The following NRXN1 variants were observed in gnomAD, a reference collection of about 807,000 sequenced individuals.
The protein encoded by NRXN1 is neurexin-1.
NRXN1 carries 39 observed loss-of-function variants against 150.9 expected under a neutral mutation model. That is an observed-to-expected ratio of 0.26 (90% confidence interval 0.20 to 0.34). The LOEUF is 0.34. Among genes scored for constraint, NRXN1 ranks in the 10% least tolerant of loss-of-function variants. The pLI is 1.00. For synonymous variants in NRXN1, 924 were observed against 757.0 expected (o/e 1.22, Z -3.62); for missense variants, 1,815 against 1,949.9 (o/e 0.93, Z 1.30).
intron 5 of NRXN1, chr2:50,757,918 T>C (rs934964316): frequency 6.6e-6 from 1 of 151,804 alleles, no homozygotes; most frequent in East Asian, 2.0e-4. Context: ...TCTTGAGAAC[T>C]TCCTTCCAAT....
intron 21 of NRXN1, among the ~76,000 whole-genome samples, chr2:50,049,959 C>G (rs1297197420): frequency 6.6e-6 from 1 of 151,806 alleles, no homozygotes; most frequent in Non-Finnish European, 1.5e-5. Flanking sequence ...ATTAAATATT[C>G]CAAGTAAAAT....
chr2:50,584,718 AG>A (rs1313294494), intron 8 of NRXN1, among the ~76,000 whole-genome samples: 1 of 152,188 alleles, frequency 6.6e-6, no homozygotes, highest in Non-Finnish European at 1.5e-5. Context: ...GGAATGTTCA[AG>A]GTCAGTATTG....
At chr2:50,271,880 TGAA>T (rs1362720159) in intron 17 of NRXN1, among the ~76,000 whole-genome samples, 3 of 152,060 alleles carry the variant, frequency 2.0e-5, no homozygotes, top group Admixed American at 1.3e-4. Context: ...AGCCAATCTA[TGAA>T]GAAGTATTTC....
chr2:49,984,142 G>A (rs1022640296), intron 21 of NRXN1, among the ~76,000 whole-genome samples: 32 of 152,102 alleles, frequency 2.1e-4, no homozygotes, highest in African/African-American at 7.2e-4. Flanking sequence ...ACTCCAGTGC[G>A]GTCAATAGAG....
rs377455715 is a variant in NRXN1, at chr2:50,849,562, C to T, written c.832+72307G>A. The stretch of plus-strand genomic sequence containing the variant: ...AAGTTTTCTAATACTTTTCCACTTG[C>T]TCACCCCAGTTATCAATAACTCTTC... On this transcript the variant is annotated intron_variant, in intron 5 of 22. Transcript: ENST00000401669. Among the ~76,000 whole-genome samples the T allele has an allele frequency of 1.3e-4, 20 of 152,292 alleles. No individual in the cohort carries two copies. The South Asian group carries it at 3.9e-3, about 30-fold the overall frequency.
chr2:50,476,427 A>T lies in NRXN1; in HGVS notation c.3071-3956T>A, dbSNP rs565345081. Among the ~76,000 whole-genome samples, 6 of 152,230 alleles carry T rather than the reference A, an allele frequency of 3.9e-5. No homozygotes were observed. The East Asian group carries it at 1.2e-3, about 29-fold the overall frequency. ...GCAAGTTAGGTTACATAACTTCTTT[A>T]AGAGTCAGATTCTTCATCTATGAAA... is the stretch of plus-strand genomic sequence containing the variant. On this transcript the variant is annotated intron_variant, in intron 15 of 22. Coordinates refer to ENST00000401669, the MANE Select transcript of NRXN1 (RefSeq NM_001330078.2).
At chr2:50,639,723 A>G (rs1038283541) in intron 5 of NRXN1, among the ~76,000 whole-genome samples, 3 of 152,106 alleles carry the variant, frequency 2.0e-5, no homozygotes, top group Non-Finnish European at 4.4e-5. Context: ...TAACTTTCAT[A>G]TAATCAAACA....
chr2:50,346,890 G>T lies in NRXN1; in HGVS notation c.3365-109920C>A. ...CCCCTGCGCCGCCGCCGCCGCCGCC[G>T]CCGCCGCCGCCCCCGGGCGAGCCCA... On this transcript the variant is annotated intron_variant, in intron 17 of 22. Coordinates refer to ENST00000401669, the MANE Select transcript of NRXN1 (RefSeq NM_001330078.2). The surrounding 1 kb of genome is among the most constrained non-coding windows in gnomAD (Gnocchi z 5.0). 7.6e-7 allele frequency: 1 copy of T among 1,315,082 alleles called. No individual in the cohort carries two copies. The allele number at this position is 1,315,082 out of a possible 1,614,324, so 81.5% of individuals were successfully genotyped here. A position where few individuals can be genotyped will look rare whatever the true frequency, so the allele number is the denominator to read the frequency against.
intron 17 of NRXN1, among the ~76,000 whole-genome samples, chr2:50,330,256 C>T (rs375755894): frequency 1.3e-5 from 2 of 151,894 alleles, no homozygotes; most frequent in African/African-American, 2.4e-5. Flanking sequence ...TCTTTAGATA[C>T]GATTCTGGAT....
chr2:50,259,100 C>G (rs2067997892), intron 17 of NRXN1, among the ~76,000 whole-genome samples: 1 of 151,854 alleles, frequency 6.6e-6, no homozygotes. Context: ...CTGCATTAGC[C>G]CCTAAAAGAG....
At chr2:50,252,523 T>C (rs2067225403) in intron 17 of NRXN1, among the ~76,000 whole-genome samples, 1 of 152,090 alleles carries the variant, frequency 6.6e-6, no homozygotes, top group African/African-American at 2.4e-5. Flanking sequence ...CCTCCCAAAG[T>C]GCTGAGATTA....
chr2:49,996,973 C>T (rs990351010), intron 21 of NRXN1, among the ~76,000 whole-genome samples: 3 of 152,144 alleles, frequency 2.0e-5, no homozygotes, highest in Non-Finnish European at 4.4e-5. Flanking sequence ...TTCATTACAA[C>T]ATTTATGTTG....
intron 5 of NRXN1, among the ~76,000 whole-genome samples, chr2:50,671,149 AT>A (rs1244185764): frequency 6.6e-6 from 1 of 151,800 alleles, no homozygotes; most frequent in Non-Finnish European, 1.5e-5. Context: ...CAAAGCTTGT[AT>A]CTATTTATTT....
At chr2:50,940,016 T>C (rs1184929069) in intron 2 of NRXN1, among the ~76,000 whole-genome samples, 1 of 152,166 alleles carries the variant, frequency 6.6e-6, no homozygotes, top group Non-Finnish European at 1.5e-5. Context: ...TATGAAGGGA[T>C]TATAATACTA....
chr2:51,008,880 A>T lies in NRXN1; in HGVS notation c.772+18622T>A, dbSNP rs536352398. On this transcript the variant is annotated intron_variant, in intron 2 of 22. Coordinates refer to ENST00000401669, the MANE Select transcript of NRXN1 (RefSeq NM_001330078.2). The stretch of plus-strand genomic sequence containing the variant: ...AAGGTTATTTGGTAGGACAAATCAC[A>T]TTTTTTTTTAGTTTTAGGCAATTTT... Among the ~76,000 whole-genome samples, 68 of 150,672 alleles carry T rather than the reference A, an allele frequency of 4.5e-4. 1 individual carries two copies. The highest frequency in any genetic ancestry group is 1.5e-3 in the African/African-American group (63 of 41,226).
intron 5 of NRXN1, chr2:50,919,632 A>G (rs2104244415): frequency 6.6e-6 from 1 of 151,886 alleles, no homozygotes; most frequent in Non-Finnish European, 1.5e-5. Flanking sequence ...AATTTAGGAA[A>G]CATAAGTTTA....
intron 18 of NRXN1, among the ~76,000 whole-genome samples, chr2:50,180,809 G>A (rs1463902401): frequency 6.6e-6 from 1 of 152,082 alleles, no homozygotes; most frequent in Non-Finnish European, 1.5e-5. Context: ...AAATGGACTA[G>A]AGACATCTCC....
chr2:50,164,346 T>A (rs2059546074), intron 18 of NRXN1, among the ~76,000 whole-genome samples: 1 of 152,208 alleles, frequency 6.6e-6, no homozygotes, highest in South Asian at 2.1e-4. Context: ...TCACGATATT[T>A]TCTCTTTTGC....
At position 49,943,751 on chromosome 2, in the gene NRXN1, C is replaced by G; in HGVS notation, c.4169G>C (p.Ser1390Thr). The G allele has an allele frequency of 1.2e-6, 2 of 1,612,364 alleles. No individual in the cohort carries two copies. Among genetic ancestry groups the G allele is most frequent in the Non-Finnish European group, 1.7e-6 (2 of 1,179,262 alleles). The change falls in exon 22 of 23, where the codon AGC (serine) becomes ACC (threonine). Residue 1390 changes from serine (S) to threonine (T), a missense_variant. Around this residue, in one of 6 missense-constraint regions of NRXN1, gnomAD observed 265 missense variants for 307.1 expected, o/e 0.86. Coordinates refer to ENST00000401669, the MANE Select transcript of NRXN1 (RefSeq NM_001330078.2). ...DILVASAECP[S>T]DDEDIDPCEP... is the part of the protein sequence containing the mutation. Reference sequence around the variant, plus strand: ...ACAGGGGTCAATGTCCTCATCATCGCTGGGACACTCTGCTGAGGCCACAAG... The same window carrying G: ...ACAGGGGTCAATGTCCTCATCATCGGTGGGACACTCTGCTGAGGCCACAAG...
Sources: gnomAD v4.1 joint callset for allele counts (sites outside exome capture counted in the v4.1 genomes callset) on GRCh38, gnomAD v4.1.1 for gene constraint, gnomAD v4.1.1 regional missense constraint, Gnocchi (gnomAD v3.1) non-coding constraint, MANE v1.5 for transcripts, NCBI Gene and HGNC (gene_info 2026-07-23, HGNC 2026-07-21) for gene names.